Variants in PTPRD observed in about 807,000 individuals in gnomAD.
PTPRD encodes receptor-type tyrosine-protein phosphatase delta.
PTPRD carries 34 observed loss-of-function variants against 214.5 expected under a neutral mutation model. The observed-to-expected ratio is 0.16, with a 90% CI of 0.12 to 0.21. PTPRD has a LOEUF of 0.21. Ranked by LOEUF, PTPRD falls within the 10% of genes least tolerant of loss-of-function variation. The probability of loss-of-function intolerance (pLI) is 1.00; values close to 1 mark genes in which losing one functional copy is unlikely to be tolerated. For missense variants in PTPRD, 2,545 were observed against 2,398.7 expected (o/e 1.06, Z -1.27); for synonymous variants, 1,128 against 845.7 (o/e 1.33, Z -5.79).
At chr9:10,278,859 C>T (rs566613434) in intron 3 of PTPRD, among the ~76,000 whole-genome samples, 3 of 152,038 alleles carry the variant, frequency 2.0e-5, no homozygotes, top group East Asian at 1.9e-4. Flanking sequence ...ACTGCAAGCT[C>T]CGTCTCCTTG....
At chr9:8,963,469 G>C (rs756295928) in intron 11 of PTPRD, among the ~76,000 whole-genome samples, 12 of 152,068 alleles carry the variant, frequency 7.9e-5, no homozygotes, top group Non-Finnish European at 1.5e-4. Flanking sequence ...AAACATGTAG[G>C]GATGTTGGAT....
chr9:9,560,828 G>C (rs1014004883), intron 8 of PTPRD, among the ~76,000 whole-genome samples: 1 of 152,056 alleles, frequency 6.6e-6, no homozygotes, highest in Non-Finnish European at 1.5e-5. Flanking sequence ...GCCCTGTCTT[G>C]GCTGCTTGAG....
intron 2 of PTPRD, among the ~76,000 whole-genome samples, chr9:10,543,113 G>A (rs1368928253): frequency 5.9e-5 from 9 of 151,622 alleles, no homozygotes; most frequent in East Asian, 3.9e-4. Flanking sequence ...CTGAACTCCC[G>A]ACCTCAGGTG....
At chr9:8,379,020 G>A (rs1392520) in intron 37 of PTPRD, among the ~76,000 whole-genome samples, 28,316 of 152,060 alleles carry the variant, frequency 0.19, 3,741 homozygotes, top group East Asian at 0.53. Context: ...AAGCATTACT[G>A]TAAGGAGTAA....
At chr9:9,857,347 G>A (rs1350331562) in intron 5 of PTPRD, among the ~76,000 whole-genome samples, 1 of 152,108 alleles carries the variant, frequency 6.6e-6, no homozygotes, top group African/African-American at 2.4e-5. Context: ...CATATATTAG[G>A]GAGGATGGAG....
chr9:9,972,775 G>T (rs964820635), intron 4 of PTPRD, among the ~76,000 whole-genome samples: 1 of 151,990 alleles, frequency 6.6e-6, no homozygotes, highest in Non-Finnish European at 1.5e-5. Flanking sequence ...GTGGCTTACG[G>T]GCATCATTAC....
Position 8,615,392 on chromosome 9 carries a change from T to C in PTPRD, c.352+17925A>G, listed in dbSNP as rs114563407. ...CAAGTGTGCTTACTTTGAGAAAAAG[T>C]AAGCTATCGCCACTATTTAAACATG... On this transcript the variant is annotated intron_variant, in intron 14 of 45. Coordinates refer to ENST00000381196, the MANE Select transcript of PTPRD (RefSeq NM_002839.4). Among the ~76,000 whole-genome samples the C allele has an allele frequency of 9.1e-3, 1,378 of 152,208 alleles. 13 individuals carry two copies. The highest frequency in any genetic ancestry group is 0.032 in the African/African-American group (1,309 of 41,544).
At chr9:10,500,854 T>A (rs2043456221) in intron 2 of PTPRD, among the ~76,000 whole-genome samples, 1 of 151,940 alleles carries the variant, frequency 6.6e-6, no homozygotes, top group South Asian at 2.1e-4. Context: ...TCCAGTTCCA[T>A]CCATGTTATT....
At chr9:9,089,348 G>A (rs766965190) in intron 10 of PTPRD, among the ~76,000 whole-genome samples, 1 of 152,168 alleles carries the variant, frequency 6.6e-6, no homozygotes, top group Non-Finnish European at 1.5e-5. Flanking sequence ...TTGATCCAAG[G>A]TCTACAGTTT....
intron 11 of PTPRD, among the ~76,000 whole-genome samples, chr9:8,814,152 T>C (rs2096873206): frequency 8.0e-6 from 1 of 125,618 alleles, no homozygotes; most frequent in African/African-American, 2.5e-5. Context: ...TAAGTGGCTT[T>C]ATGCAAGTAT....
At chr9:10,225,736 G>A (rs2099586794) in intron 3 of PTPRD, among the ~76,000 whole-genome samples, 1 of 151,992 alleles carries the variant, frequency 6.6e-6, no homozygotes. Flanking sequence ...AACTGCAAGA[G>A]CATTACTTAA....
chr9:8,391,778 C>T (rs60503835), intron 36 of PTPRD, among the ~76,000 whole-genome samples: 3,935 of 152,194 alleles, frequency 0.026, 166 homozygotes, highest in African/African-American at 0.09. Flanking sequence ...GCCACCTCCC[C>T]CCTTATCAAG....
intron 5 of PTPRD, among the ~76,000 whole-genome samples, chr9:9,777,794 G>A (rs1297447038): frequency 6.6e-6 from 1 of 152,034 alleles, no homozygotes; most frequent in East Asian, 1.9e-4. Flanking sequence ...TTTGTAAAAT[G>A]CATTATAATC....
chr9:8,754,131 C>T (rs941701302), intron 11 of PTPRD, among the ~76,000 whole-genome samples: 11 of 151,372 alleles, frequency 7.3e-5, no homozygotes, highest in African/African-American at 2.2e-4. Flanking sequence ...GGTGACAGAG[C>T]GAGACTCCAT....
chr9:9,462,203 T>C (rs1273997385), intron 8 of PTPRD, among the ~76,000 whole-genome samples: 1 of 152,104 alleles, frequency 6.6e-6, no homozygotes, highest in Non-Finnish European at 1.5e-5. Flanking sequence ...TTCAAAGTAT[T>C]ATATAATTCT....
At chr9:10,228,869 T>C (rs1426090843) in intron 3 of PTPRD, among the ~76,000 whole-genome samples, 2 of 151,768 alleles carry the variant, frequency 1.3e-5, no homozygotes, top group Non-Finnish European at 2.9e-5. Context: ...AAAATGCTGC[T>C]AGCTTTATGT....
chr9:8,952,035 A>G (rs1177988330), intron 11 of PTPRD, among the ~76,000 whole-genome samples: 6 of 151,998 alleles, frequency 3.9e-5, no homozygotes, highest in African/African-American at 1.4e-4. Context: ...ATAAAAATAT[A>G]TATGATAGAG....
chr9:8,396,373 A>C (rs1174336611), intron 36 of PTPRD, among the ~76,000 whole-genome samples: 2 of 152,158 alleles, frequency 1.3e-5, no homozygotes, highest in Non-Finnish European at 2.9e-5. Context: ...GACAGGATAA[A>C]AATAATTCTT....
chr9:8,908,676 T>C (rs2098725139), intron 11 of PTPRD, among the ~76,000 whole-genome samples: 1 of 151,752 alleles, frequency 6.6e-6, no homozygotes, highest in South Asian at 2.1e-4. Flanking sequence ...AGCCTCCATC[T>C]TAAGAAACTA....
Sources: allele counts gnomAD v4.1 joint callset (sites outside exome capture counted in the v4.1 genomes callset), GRCh38; gene constraint gnomAD v4.1.1; transcripts MANE v1.5; gene names NCBI Gene and HGNC (gene_info 2026-07-23, HGNC 2026-07-21).